The following CSNK2A2IP variants were observed in gnomAD, a reference collection of about 807,000 sequenced individuals.
CSNK2A2IP encodes casein kinase II subunit alpha'-interacting protein.
the CSNK2A2IP span, among the ~76,000 whole-genome samples, chr3:88,434,979 C>T: frequency 3.9e-5 from 6 of 152,134 alleles, no homozygotes; most frequent in African/African-American, 1.4e-4. Flanking sequence ...TCACTCTCCC[C>T]TGCCCCCGCA....
At chr3:88,342,960 A>G in the CSNK2A2IP span, among the ~76,000 whole-genome samples, 1 of 151,996 alleles carries the variant, frequency 6.6e-6, no homozygotes, top group Admixed American at 6.6e-5. Flanking sequence ...TTAAATATTT[A>G]CTATTAATTT....
chr3:88,454,833 A>C, the CSNK2A2IP span, among the ~76,000 whole-genome samples: 1 of 151,828 alleles, frequency 6.6e-6, no homozygotes, highest in East Asian at 1.9e-4. Context: ...TCAAATTTCA[A>C]CTATACGGTG....
chr3:88,396,010 G>C, the CSNK2A2IP span, among the ~76,000 whole-genome samples: 1 of 151,916 alleles, frequency 6.6e-6, no homozygotes, highest in African/African-American at 2.4e-5. Context: ...AAAATCATAG[G>C]CCTTCTCTGA....
At chr3:88,439,117 C>T in the CSNK2A2IP span, among the ~76,000 whole-genome samples, 1 of 152,156 alleles carries the variant, frequency 6.6e-6, no homozygotes, top group Admixed American at 6.5e-5. Context: ...TAATCTGTCT[C>T]CACCCTCTAC....
the CSNK2A2IP span, among the ~76,000 whole-genome samples, chr3:88,346,996 AG>A: frequency 6.6e-6 from 1 of 152,078 alleles, no homozygotes; most frequent in Non-Finnish European, 1.5e-5. Context: ...CACTATTAAC[AG>A]GAAATGGAAA....
At chr3:88,371,487 A>G in the CSNK2A2IP span, among the ~76,000 whole-genome samples, 2 of 151,782 alleles carry the variant, frequency 1.3e-5, no homozygotes, top group Admixed American at 1.3e-4. Flanking sequence ...ACATGAACAT[A>G]GTTCAATATC....
chr3:88,388,631 A>G, the CSNK2A2IP span, among the ~76,000 whole-genome samples: 49 of 152,304 alleles, frequency 3.2e-4, no homozygotes, highest in African/African-American at 1.1e-3. Context: ...TGGTTTATTA[A>G]CAGTAGTCAG....
chr3:88,369,624 T>G, the CSNK2A2IP span, among the ~76,000 whole-genome samples: 1 of 151,740 alleles, frequency 6.6e-6, no homozygotes, highest in South Asian at 2.1e-4. Context: ...GAGCAAAAAT[T>G]TTGCAAAATT....
the CSNK2A2IP span, among the ~76,000 whole-genome samples, chr3:88,360,199 G>A: frequency 2.7e-5 from 4 of 150,008 alleles, no homozygotes; most frequent in Admixed American, 6.6e-5. Context: ...GCAGTGGCGT[G>A]ATCTTGGCTC....
chr3:88,446,094 CTTTCTTTT>C, the CSNK2A2IP span, among the ~76,000 whole-genome samples: 2,026 of 74,522 alleles, frequency 0.027, 29 homozygotes, highest in Non-Finnish European at 0.037. Flanking sequence ...TTCTTTCTTT[CTTTCTTTT>C]TTTCTTTCTT....
At chr3:88,420,865 T>TTGAGAAAAGGAAC in the CSNK2A2IP span, among the ~76,000 whole-genome samples, 1 of 152,160 alleles carries the variant, frequency 6.6e-6, no homozygotes, top group East Asian at 1.9e-4. Context: ...TTGGGTTCAT[T>TTGAGAAAAGGAAC]TACATAGGAT....
the CSNK2A2IP span, among the ~76,000 whole-genome samples, chr3:88,396,518 G>C: frequency 9.9e-5 from 15 of 152,160 alleles, no homozygotes; most frequent in Admixed American, 2.0e-4. Flanking sequence ...AACAAGCATT[G>C]ACTAGGTTAG....
chr3:88,443,892 A>C, the CSNK2A2IP span, among the ~76,000 whole-genome samples: 1 of 6,514 alleles, frequency 1.5e-4, no homozygotes, highest in South Asian at 5.7e-3. Context: ...TTAGAGTAAT[A>C]AAAAAAAAAA....
the CSNK2A2IP span, among the ~76,000 whole-genome samples, chr3:88,369,252 T>C: frequency 6.6e-6 from 1 of 151,908 alleles, no homozygotes; most frequent in Non-Finnish European, 1.5e-5. Flanking sequence ...TGAACGGCCT[T>C]GTAGGATATT....
chr3:88,409,521 T>G, the CSNK2A2IP span, among the ~76,000 whole-genome samples: 1 of 150,416 alleles, frequency 6.6e-6, no homozygotes, highest in Admixed American at 6.6e-5. Context: ...CAGAAGAAAA[T>G]TTTGCTGTAA....
the CSNK2A2IP span, among the ~76,000 whole-genome samples, chr3:88,402,210 A>C: frequency 2.0e-5 from 3 of 152,052 alleles, no homozygotes; most frequent in Non-Finnish European, 4.4e-5. Flanking sequence ...ATAAAATCTA[A>C]ACAATGTTAT....
At chr3:88,345,450 A>G in the CSNK2A2IP span, among the ~76,000 whole-genome samples, 1 of 151,994 alleles carries the variant, frequency 6.6e-6, no homozygotes, top group African/African-American at 2.4e-5. Context: ...TTATAAATTG[A>G]AGGTTTGTGG....
chr3:88,383,325 C>T, the CSNK2A2IP span, among the ~76,000 whole-genome samples: 4 of 152,164 alleles, frequency 2.6e-5, no homozygotes, highest in Non-Finnish European at 5.9e-5. Context: ...ATCCATCGTT[C>T]ACTGTTTGTG....
At chr3:88,431,256 T>C in the CSNK2A2IP span, 3 of 152,234 alleles carry the variant, frequency 2.0e-5, no homozygotes, top group Admixed American at 6.5e-5. Flanking sequence ...TTGAGCTCCT[T>C]GTTCTACTCT....
Sources: allele counts gnomAD v4.1 joint callset (sites outside exome capture counted in the v4.1 genomes callset), GRCh38; gene constraint gnomAD v4.1.1; transcripts MANE v1.5; gene names NCBI Gene and HGNC (gene_info 2026-07-23, HGNC 2026-07-21).